SPECC1L: variants seen among roughly 807,000 people sequenced by gnomAD.
SPECC1L encodes the protein sperm antigen with calponin homology and coiled-coil domains 1 like.
In SPECC1L, 40 loss-of-function variants were observed where a neutral mutation model predicts 116.8. That is an observed-to-expected ratio of 0.34 (90% CI 0.27 to 0.45). The LOEUF (loss-of-function observed/expected upper bound fraction) is 0.45, where lower values mean the gene tolerates loss of function less well. Among genes scored for constraint, SPECC1L ranks in the 20% least tolerant of loss-of-function variants. The pLI, the probability that SPECC1L is intolerant of heterozygous loss-of-function variation, is 1.00. For missense variants in SPECC1L, 1,110 were observed against 1,373.6 expected (o/e 0.81, Z 3.03); for synonymous variants, 504 against 500.6 (o/e 1.01, Z -0.09).
chr22:24,401,005 C>G (rs1027925642), intron 14 of SPECC1L, among the ~76,000 whole-genome samples: 2 of 152,218 alleles, frequency 1.3e-5, no homozygotes, highest in Non-Finnish European at 2.9e-5. Flanking sequence ...AACAACCCTC[C>G]TGTACATAGC....
In SPECC1L at chr22:24,415,756, C is replaced by T. The variant is rs1002913623; in HGVS notation, c.*1133C>T. On this transcript the variant is annotated 3_prime_UTR_variant, in exon 17 of 17. Coordinates refer to ENST00000314328, the MANE Select transcript of SPECC1L (RefSeq NM_015330.6). ...TTGAGTTGTCTCCTACCACCATGCC[C>T]GCCCTCCCCAGGTACTGGGTCCATG... The T allele has an allele frequency of 3.3e-5, 5 of 152,162 alleles. No individual in the cohort carries two copies. Among genetic ancestry groups the T allele is most frequent in the Admixed American group, 6.5e-5 (1 of 15,276 alleles). The allele number at this position is 152,162 out of a possible 1,614,324, so 9.4% of individuals were successfully genotyped here.
chr22:24,415,848 G>T lies in SPECC1L; in HGVS notation c.*1225G>T, dbSNP rs1240242452. 1.3e-5 allele frequency: 2 copies of T among 152,204 alleles called. No homozygotes were observed. The highest frequency in any genetic ancestry group is 2.9e-5 in the Non-Finnish European group (2 of 68,044). 9.4% of individuals were successfully genotyped at this position (152,204 alleles called of 1,614,324 possible). A position where few individuals can be genotyped will look rare whatever the true frequency, so the allele number is the denominator to read the frequency against. On this transcript the variant is annotated 3_prime_UTR_variant, in exon 17 of 17. Coordinates refer to ENST00000314328, the MANE Select transcript of SPECC1L (RefSeq NM_015330.6). ...TTGAACCAAAGCCTTATTTAAAGGTGGTCACTGGAGATGCTCTCAGGCCAG... is the reference window on the plus strand; with the variant it reads ...TTGAACCAAAGCCTTATTTAAAGGTTGTCACTGGAGATGCTCTCAGGCCAG...
chr22:24,322,907 G>T lies in SPECC1L; in HGVS notation c.1927G>T (p.Ala643Ser), dbSNP rs754181151. The change falls in exon 5 of 17, where the codon GCC becomes TCC. Residue 643 changes from alanine (A) to serine (S), a missense_variant. Physicochemically the swap from Ala to Ser is moderately conservative, Grantham distance 99. Coordinates refer to ENST00000314328, the MANE Select transcript of SPECC1L (RefSeq NM_015330.6). ...TRNDANRLQD[A>S]IAKVEDEYRA... is the part of the protein sequence containing the mutation. ...AAATGATGCCAATCGATTACAGGAT[G>T]CCATTGCTAAGGTATTGTTTAAATA... 6.2e-6 allele frequency: 10 copies of T among 1,613,928 alleles called. No individual in the cohort carries two copies. Among genetic ancestry groups the T allele is most frequent in the Non-Finnish European group, 8.5e-6 (10 of 1,179,868 alleles).
At chr22:24,336,617 T>G (rs2041064394) in intron 9 of SPECC1L, among the ~76,000 whole-genome samples, 1 of 152,082 alleles carries the variant, frequency 6.6e-6, no homozygotes, top group Non-Finnish European at 1.5e-5. Context: ...AAAATCAAAT[T>G]GATAATGGAA....
intron 2 of SPECC1L, among the ~76,000 whole-genome samples, chr22:24,290,878 C>T (rs555454041): frequency 6.6e-6 from 1 of 152,308 alleles, no homozygotes; most frequent in African/African-American, 2.4e-5. Context: ...TTGATTTAAA[C>T]ACTTCTTACT....
At chr22:24,345,454 G>A (rs1238167892) in intron 10 of SPECC1L, among the ~76,000 whole-genome samples, 2 of 152,032 alleles carry the variant, frequency 1.3e-5, no homozygotes, top group Non-Finnish European at 2.9e-5. Flanking sequence ...GATAAATTAG[G>A]CAACTTAAAA....
At chr22:24,354,550 A>G (rs1371779359) in intron 11 of SPECC1L, among the ~76,000 whole-genome samples, 3 of 151,952 alleles carry the variant, frequency 2.0e-5, no homozygotes, top group South Asian at 2.1e-4. Flanking sequence ...TGCTTTCTCA[A>G]TGCACCTTCC....
intron 11 of SPECC1L, among the ~76,000 whole-genome samples, chr22:24,352,263 T>A (rs930099842): frequency 6.6e-6 from 1 of 152,224 alleles, no homozygotes; most frequent in Non-Finnish European, 1.5e-5. Context: ...AGTACATGGA[T>A]ACAGGTAGTT....
At chr22:24,371,795 C>T (rs1289950979) in intron 14 of SPECC1L, among the ~76,000 whole-genome samples, 7 of 152,196 alleles carry the variant, frequency 4.6e-5, no homozygotes, top group Non-Finnish European at 1.0e-4. Flanking sequence ...GACCTTGGTT[C>T]ACGGCAGGCT....
intron 2 of SPECC1L, 83 bp downstream of exon 2, chr22:24,276,886 A>G (rs1208177313): frequency 5.4e-6 from 2 of 368,544 alleles, no homozygotes; most frequent in East Asian, 8.7e-5. Context: ...TCTCCTTATC[A>G]TGGTTTGGTT....
Position 24,322,471 on chromosome 22 carries a change from C to T in SPECC1L, c.1491C>T (p.Asp497=), listed in dbSNP as rs1443414705. Residue 497 remains aspartate (D), a synonymous_variant, in exon 5 of 17, where the codon GAC becomes GAT. Coordinates refer to ENST00000314328, the MANE Select transcript of SPECC1L (RefSeq NM_015330.6). ...RYMELEQRYM[D]LAENARFERE... is the part of the protein sequence containing the mutation. ...TGGAATTAGAGCAACGTTACATGGACCTCGCTGAGAATGCCCGTTTTGAAC... is the reference window on the plus strand; with the variant it reads ...TGGAATTAGAGCAACGTTACATGGATCTCGCTGAGAATGCCCGTTTTGAAC... 6.2e-7 allele frequency: 1 copy of T among 1,614,010 alleles called. No individual in the cohort carries two copies. Among genetic ancestry groups the T allele is most frequent in the Non-Finnish European group, 8.5e-7 (1 of 1,180,042 alleles).
chr22:24,348,598 A>G (rs2041352974), intron 11 of SPECC1L, among the ~76,000 whole-genome samples: 1 of 152,224 alleles, frequency 6.6e-6, no homozygotes, highest in Non-Finnish European at 1.5e-5. Context: ...AGGTTTTGCT[A>G]AGGGAACAAA....
At chr22:24,314,455 C>T (rs2040521614) in intron 4 of SPECC1L, among the ~76,000 whole-genome samples, 1 of 152,084 alleles carries the variant, frequency 6.6e-6, no homozygotes, top group African/African-American at 2.4e-5. Context: ...TTTAAATTTC[C>T]AACAGTCTTA....
intron 2 of SPECC1L, 40 bp downstream of exon 2, chr22:24,276,843 T>C (rs1346578726): frequency 2.2e-6 from 1 of 445,836 alleles, no homozygotes; most frequent in East Asian, 7.1e-5. Flanking sequence ...TTTTCTCTCC[T>C]TAATATATTC....
intron 10 of SPECC1L, 84 bp downstream of exon 10, chr22:24,338,561 A>C (rs2041109118): frequency 7.4e-6 from 9 of 1,214,590 alleles, no homozygotes; most frequent in Non-Finnish European, 1.1e-5. Context: ...TTACACCTGT[A>C]TTAGTTGGGT....
At chr22:24,405,341 A>G (rs1000849096) in intron 14 of SPECC1L, among the ~76,000 whole-genome samples, 6 of 152,028 alleles carry the variant, frequency 3.9e-5, no homozygotes, top group African/African-American at 1.4e-4. Context: ...CACATGGAGC[A>G]GTGGAGGCAG....
At chr22:24,407,384 T>C (rs1281317480) in intron 14 of SPECC1L, among the ~76,000 whole-genome samples, 2 of 151,986 alleles carry the variant, frequency 1.3e-5, no homozygotes, top group Non-Finnish European at 2.9e-5. Context: ...GGCGGGGTGT[T>C]GGGTTTATCT....
intron 14 of SPECC1L, among the ~76,000 whole-genome samples, chr22:24,384,122 T>C (rs1181414907): frequency 1.3e-5 from 2 of 148,982 alleles, no homozygotes; most frequent in Non-Finnish European, 3.0e-5. Flanking sequence ...CATAGTGTAA[T>C]GGAGACAAGG....
At chr22:24,365,745 G>C in intron 13 of SPECC1L, 113 bp downstream of exon 13, 2 of 1,265,676 alleles carry the variant, frequency 1.6e-6, no homozygotes. Context: ...TTCTTTTTCT[G>C]TGTGTTGTTT....
Sources: allele counts gnomAD v4.1 joint callset (sites outside exome capture counted in the v4.1 genomes callset), GRCh38; gene constraint gnomAD v4.1.1; transcripts MANE v1.5; gene names NCBI Gene and HGNC (gene_info 2026-07-23, HGNC 2026-07-21).